Variants in HS6ST3 observed in about 807,000 individuals in gnomAD.
The protein encoded by HS6ST3 is heparan-sulfate 6-O-sulfotransferase 3.
Under a neutral mutation model 36.7 loss-of-function variants are expected in HS6ST3, and 12 were observed. That is an observed-to-expected ratio of 0.33 (90% CI 0.21 to 0.53). The LOEUF is 0.53. Among genes scored for constraint, HS6ST3 ranks in the 20% least tolerant of loss-of-function variants. The pLI, the probability that HS6ST3 is intolerant of heterozygous loss-of-function variation, is 0.95. For synonymous variants in HS6ST3, 240 were observed against 257.5 expected (o/e 0.93, Z 0.65); for missense variants, 584 against 640.9 (o/e 0.91, Z 0.96).
At chr13:96,620,893 T>C (rs1012666476) in intron 1 of HS6ST3, among the ~76,000 whole-genome samples, 2 of 152,178 alleles carry the variant, frequency 1.3e-5, no homozygotes, top group Non-Finnish European at 2.9e-5. Flanking sequence ...ACAAACTAAG[T>C]TGGCAGAACT....
At chr13:96,632,919 G>A (rs2056536781) in intron 1 of HS6ST3, among the ~76,000 whole-genome samples, 1 of 152,324 alleles carries the variant, frequency 6.6e-6, no homozygotes, top group South Asian at 2.1e-4. Context: ...GAATATGTGA[G>A]TGAGATGTGC....
chr13:96,718,429 A>T (rs1307372617), intron 1 of HS6ST3, among the ~76,000 whole-genome samples: 2 of 151,970 alleles, frequency 1.3e-5, no homozygotes, highest in Non-Finnish European at 2.9e-5. Flanking sequence ...ACCAACTGTG[A>T]CTCCTTTTCA....
At chr13:96,640,642 C>G (rs989901131) in intron 1 of HS6ST3, among the ~76,000 whole-genome samples, 1 of 151,932 alleles carries the variant, frequency 6.6e-6, no homozygotes, top group Non-Finnish European at 1.5e-5. Flanking sequence ...AGGCCCATGG[C>G]CAGAATGGTG....
intron 1 of HS6ST3, among the ~76,000 whole-genome samples, chr13:96,179,266 C>T (rs1056360115): frequency 6.6e-6 from 1 of 152,184 alleles, no homozygotes; most frequent in South Asian, 2.1e-4. Context: ...TCTGTTACCA[C>T]AGTAATAGGA....
intron 1 of HS6ST3, among the ~76,000 whole-genome samples, chr13:96,466,520 A>G (rs953444266): frequency 6.6e-6 from 1 of 152,172 alleles, no homozygotes; most frequent in African/African-American, 2.4e-5. Flanking sequence ...AACTGAAATC[A>G]TGCATTATTT....
chr13:96,776,775 G>T (rs932241345), intron 1 of HS6ST3, among the ~76,000 whole-genome samples: 1 of 152,084 alleles, frequency 6.6e-6, no homozygotes, highest in Non-Finnish European at 1.5e-5. Context: ...AAGAGGAGCT[G>T]GTACCATTCC....
At chr13:96,713,416 T>C (rs573199898) in intron 1 of HS6ST3, among the ~76,000 whole-genome samples, 1 of 152,296 alleles carries the variant, frequency 6.6e-6, no homozygotes, top group African/African-American at 2.4e-5. Context: ...GATTCAGAGA[T>C]GTTTAAAACA....
At position 96,293,107 on chromosome 13, in the gene HS6ST3, T is replaced by G. The variant is rs188896882; in HGVS notation, c.707+201538T>G. ...AGTATAGATATTTATGAAGTAATAG[T>G]GCCCTGAAAGACAACAATAAAAACT... On this transcript the variant is annotated intron_variant, in intron 1 of 1. Transcript: ENST00000376705. Among the ~76,000 whole-genome samples, 1,034 of 152,218 alleles carry G rather than the reference T, an allele frequency of 6.8e-3. 3 individuals are homozygous for G. Among genetic ancestry groups the G allele is most frequent in the Non-Finnish European group, 0.011 (747 of 67,966 alleles).
intron 1 of HS6ST3, among the ~76,000 whole-genome samples, chr13:96,300,058 T>C (rs1311778530): frequency 8.8e-5 from 12 of 136,390 alleles, no homozygotes; most frequent in African/African-American, 3.3e-4. Context: ...TTTTTTTTTT[T>C]TTTTTTTTTT....
chr13:96,688,245 A>AATAATAATAATAAT (rs1566430093), intron 1 of HS6ST3, among the ~76,000 whole-genome samples: 2 of 129,114 alleles, frequency 1.5e-5, no homozygotes, highest in African/African-American at 6.1e-5. Context: ...ATCATAATAA[A>AATAATAATAATAAT]AAGACTCTCT....
chr13:96,103,865 G>T (rs2053828713), intron 1 of HS6ST3, among the ~76,000 whole-genome samples: 1 of 151,844 alleles, frequency 6.6e-6, no homozygotes, highest in Non-Finnish European at 1.5e-5. Context: ...TATCATAAAT[G>T]ACTTATCTAA....
chr13:96,831,344 A>C (rs71434523), intron 1 of HS6ST3, among the ~76,000 whole-genome samples: 1 of 152,232 alleles, frequency 6.6e-6, no homozygotes, highest in Non-Finnish European at 1.5e-5. Flanking sequence ...CATAGAAATT[A>C]CAATGTAAAT....
chr13:96,788,194 C>G (rs956322563), intron 1 of HS6ST3, among the ~76,000 whole-genome samples: 1 of 151,524 alleles, frequency 6.6e-6, no homozygotes, highest in African/African-American at 2.4e-5. Flanking sequence ...CAACATACAT[C>G]TCTTTCCAAA....
At chr13:96,189,677 T>A (rs2054279998) in intron 1 of HS6ST3, among the ~76,000 whole-genome samples, 1 of 152,176 alleles carries the variant, frequency 6.6e-6, no homozygotes, top group African/African-American at 2.4e-5. Flanking sequence ...ATGTTACTTG[T>A]GGCTGTGGAT....
At chr13:96,752,684 A>C (rs762396660) in intron 1 of HS6ST3, among the ~76,000 whole-genome samples, 2 of 151,962 alleles carry the variant, frequency 1.3e-5, no homozygotes, top group Non-Finnish European at 2.9e-5. Context: ...GGATTTCTGG[A>C]CACATTCTAG....
chr13:96,699,773 G>A (rs550617), intron 1 of HS6ST3, among the ~76,000 whole-genome samples: 2,271 of 152,256 alleles, frequency 0.015, 54 homozygotes, highest in African/African-American at 0.051. Flanking sequence ...AAAACATGCT[G>A]CTATAAAGAC....
At chr13:96,643,162 T>A (rs2056576121) in intron 1 of HS6ST3, among the ~76,000 whole-genome samples, 1 of 152,108 alleles carries the variant, frequency 6.6e-6, no homozygotes, top group South Asian at 2.1e-4. Context: ...GTGACCTTAG[T>A]GGTCAGCTAA....
intron 1 of HS6ST3, among the ~76,000 whole-genome samples, chr13:96,257,248 G>A (rs1056183862): frequency 6.6e-6 from 1 of 152,176 alleles, no homozygotes; most frequent in Admixed American, 6.5e-5. Flanking sequence ...GGCCTCAGAA[G>A]AGTCTTTGCC....
At chr13:96,451,217 C>T (rs1046390740) in intron 1 of HS6ST3, among the ~76,000 whole-genome samples, 1 of 151,770 alleles carries the variant, frequency 6.6e-6, no homozygotes, top group Non-Finnish European at 1.5e-5. Flanking sequence ...AGTCACATTA[C>T]CTATTTTTCT....
Sources: allele counts gnomAD v4.1 joint callset (sites outside exome capture counted in the v4.1 genomes callset), GRCh38; gene constraint gnomAD v4.1.1; transcripts MANE v1.5; gene names NCBI Gene and HGNC (gene_info 2026-07-23, HGNC 2026-07-21).